The following ANKRD46 variants were observed in gnomAD, a reference collection of about 807,000 sequenced individuals.
The protein encoded by ANKRD46 is ankyrin repeat domain-containing protein 46.
Under a neutral mutation model 19.8 loss-of-function variants are expected in ANKRD46, and 13 were observed. The ratio of observed to expected loss-of-function variants is 0.66; its 90% CI spans 0.43 to 1.04. The LOEUF is 1.04. Ranked by LOEUF, ANKRD46 falls within the 50% of genes least tolerant of loss-of-function variation. The probability of loss-of-function intolerance (pLI) is 0.00; values close to 1 mark genes in which losing one functional copy is unlikely to be tolerated. For synonymous variants in ANKRD46, 91 were observed against 106.9 expected (o/e 0.85, Z 0.92); for missense variants, 185 against 274.8 (o/e 0.67, Z 2.31).
downstream of ANKRD46, among the ~76,000 whole-genome samples, chr8:100,520,343 C>T (rs931312519): frequency 1.3e-5 from 2 of 152,044 alleles, no homozygotes; most frequent in Non-Finnish European, 2.9e-5. Flanking sequence ...TGAAAGACAG[C>T]GGGACAGGAG....
At position 100,545,783 on chromosome 8, in the gene ANKRD46, T is replaced by A. The variant is rs534290664; in HGVS notation, c.-130-12472A>T. Reference sequence around the variant, plus strand: ...TTTGACCAAAATGCTGATAGTGATATGGACAATGAAATCAAGGCTGAGGTG... The same window carrying A: ...TTTGACCAAAATGCTGATAGTGATAAGGACAATGAAATCAAGGCTGAGGTG... On this transcript the variant is annotated intron_variant, in intron 1 of 4. Transcript: ENST00000335659. The surrounding 1 kb of genome is among the most constrained non-coding windows in gnomAD (Gnocchi z 4.7). 6.6e-6 allele frequency among the ~76,000 whole-genome samples: 1 copy of A among 152,182 alleles called. No individual in the cohort carries two copies. The highest frequency in any genetic ancestry group is 6.5e-5 in the Admixed American group (1 of 15,274).
In ANKRD46 at chr8:100,529,762, G is replaced by A. The variant is rs953336634; in HGVS notation, c.72C>T (p.Asp24=). The A allele has an allele frequency of 6.2e-7, 1 of 1,614,236 alleles. No homozygotes were observed. Among genetic ancestry groups the A allele is most frequent in the Non-Finnish European group, 8.5e-7 (1 of 1,180,042 alleles). The change falls in exon 3 of 5, where the codon GAC becomes GAT. Residue 24 remains aspartate (D), a synonymous_variant. Coordinates refer to ENST00000335659, the MANE Select transcript of ANKRD46 (RefSeq NM_001270377.2). The surrounding 1 kb of genome is among the most constrained non-coding windows in gnomAD (Gnocchi z 5.8). ...VPLLQACIDG[D]FNYSKRLLES... ...CCAAAAGCCGCTTGGAATAATTAAA[G>A]TCCCCATCAATACAGGCTTGCAGCA...
chr8:100,529,770 CAAT>C lies in ANKRD46; in HGVS notation c.61_63del (p.Ile21del). ...CGCTTGGAATAATTAAAGTCCCCAT[CAAT>C]ACAGGCTTGCAGCAAGGGCACGTTA... On this transcript the variant is annotated inframe_deletion, in exon 3 of 5. Transcript: ENST00000335659. This position sits in a 1 kb window ranked among gnomAD's most constrained non-coding sequence, Gnocchi z 5.8. The C allele has an allele frequency of 6.2e-7, 1 of 1,614,230 alleles. No homozygotes were observed. The highest frequency in any genetic ancestry group is 8.5e-7 in the Non-Finnish European group (1 of 1,180,058).
chr8:100,544,449 C>T lies in ANKRD46; in HGVS notation c.-130-11138G>A, dbSNP rs762715758. ...TGCTAACCCCAAAGTACAACTTGCT[C>T]GTACTCTAGACAAGGCTGAAGCAAG... On this transcript the variant is annotated intron_variant, in intron 1 of 4. Transcript: ENST00000335659. The surrounding 1 kb of genome is among the most constrained non-coding windows in gnomAD (Gnocchi z 4.4). Among the ~76,000 whole-genome samples the T allele has an allele frequency of 1.3e-5, 2 of 152,168 alleles. No individual in the cohort carries two copies. Among genetic ancestry groups the T allele is most frequent in the African/African-American group, 4.8e-5 (2 of 41,432 alleles).
At chr8:100,553,584 A>G (rs1451370980) in intron 1 of ANKRD46, among the ~76,000 whole-genome samples, 1 of 152,126 alleles carries the variant, frequency 6.6e-6, no homozygotes, top group Non-Finnish European at 1.5e-5. Flanking sequence ...CCCCGTCTCC[A>G]CTAAAAATAC....
rs2130690497 is a variant in ANKRD46, at chr8:100,543,990, G to A, written c.-130-10679C>T. ...AAAGATTAACCCAAGAGTTCTTAAT[G>A]TCAAAGACCTTTATGTCCACATCAC... On this transcript the variant is annotated intron_variant, in intron 1 of 4. Coordinates refer to ENST00000335659, the MANE Select transcript of ANKRD46 (RefSeq NM_001270377.2). This position sits in a 1 kb window ranked among gnomAD's most constrained non-coding sequence, Gnocchi z 4.2. Among the ~76,000 whole-genome samples the A allele has an allele frequency of 6.6e-6, 1 of 152,232 alleles. No individual in the cohort carries two copies. Among genetic ancestry groups the A allele is most frequent in the East Asian group, 1.9e-4 (1 of 5,184 alleles).
rs1342903236 is a variant in ANKRD46 at position 100,521,408 on chromosome 8, C to A, written c.*1147G>T. The A allele has an allele frequency of 1.2e-5, 12 of 985,236 alleles. No homozygotes were observed. In the East Asian group the frequency reaches 1.1e-3, roughly 93 times the overall value. The allele number at this position is 985,236 out of a possible 1,614,324, so 61.0% of individuals were successfully genotyped here. A position where few individuals can be genotyped will look rare whatever the true frequency, so the allele number is the denominator to read the frequency against. ...ACTCAAGAACATAATTCATACATTA[C>A]AGAATCATTAACAAAAGAGGCCTTC... On this transcript the variant is annotated 3_prime_UTR_variant, in exon 5 of 5. Transcript: ENST00000335659.
rs368476294 is a variant in ANKRD46 at position 100,531,915 on chromosome 8, G to A, written c.-28+1294C>T. 6.4e-4 allele frequency among the ~76,000 whole-genome samples: 97 copies of A among 152,284 alleles called. No individual in the cohort carries two copies. The South Asian group carries it at 0.02, about 31-fold the overall frequency. ...TTGTAGAGACAAAGACTGGAGGCAG[G>A]GAGATCAATCATTAGGTCATTGCAG... On this transcript the variant is annotated intron_variant, in intron 2 of 4. Coordinates refer to ENST00000335659, the MANE Select transcript of ANKRD46 (RefSeq NM_001270377.2).
In ANKRD46 at chr8:100,557,110, G is replaced by A. The variant is rs902804231; in HGVS notation, c.-131+2601C>T. ...GTTTTAAGTAAGTTTACAAATTTGG[G>A]TTGCACAAGCTTGCATTAGTGACTT... On this transcript the variant is annotated intron_variant, in intron 1 of 4. Coordinates refer to ENST00000335659, the MANE Select transcript of ANKRD46 (RefSeq NM_001270377.2). The surrounding 1 kb of genome is among the most constrained non-coding windows in gnomAD (Gnocchi z 5.9). Among the ~76,000 whole-genome samples the A allele has an allele frequency of 6.6e-6, 1 of 152,102 alleles. No homozygotes were observed. The highest frequency in any genetic ancestry group is 2.4e-5 in the African/African-American group (1 of 41,416).
In ANKRD46 at chr8:100,534,264, T is replaced by C. The variant is rs1466250490; in HGVS notation, c.-130-953A>G. Among the ~76,000 whole-genome samples, 2 of 152,194 alleles carry C rather than the reference T, an allele frequency of 1.3e-5. No individual in the cohort carries two copies. Among genetic ancestry groups the C allele is most frequent in the African/African-American group, 4.8e-5 (2 of 41,446 alleles). On this transcript the variant is annotated intron_variant, in intron 1 of 4. Transcript: ENST00000335659. The surrounding 1 kb of genome is among the most constrained non-coding windows in gnomAD (Gnocchi z 4.2). ...CTCCATTTACAATATGTAAGTCAGG[T>C]TGTATCATAAAGGCTATCAGTGCTA...
rs1812273650 is a variant in ANKRD46, at chr8:100,546,416, G to T, written c.-130-13105C>A. 6.6e-6 allele frequency among the ~76,000 whole-genome samples: 1 copy of T among 152,262 alleles called. No individual in the cohort carries two copies. The highest frequency in any genetic ancestry group is 2.4e-5 in the African/African-American group (1 of 41,470). ...TACAGCTCAGACCATTGCTTCAGAGGGTGCGGGCCCCAAGCCTTGGCAGCT... is the reference window on the plus strand; with the variant it reads ...TACAGCTCAGACCATTGCTTCAGAGTGTGCGGGCCCCAAGCCTTGGCAGCT... On this transcript the variant is annotated intron_variant, in intron 1 of 4. Coordinates refer to ENST00000335659, the MANE Select transcript of ANKRD46 (RefSeq NM_001270377.2). This position sits in a 1 kb window ranked among gnomAD's most constrained non-coding sequence, Gnocchi z 4.0.
rs903993486 is a variant in ANKRD46 at position 100,535,222 on chromosome 8, C to T, written c.-130-1911G>A. Among the ~76,000 whole-genome samples the T allele has an allele frequency of 2.6e-5, 4 of 152,216 alleles. No individual in the cohort carries two copies. In the East Asian group the frequency reaches 7.7e-4, roughly 29 times the overall value. On this transcript the variant is annotated intron_variant, in intron 1 of 4. Coordinates refer to ENST00000335659, the MANE Select transcript of ANKRD46 (RefSeq NM_001270377.2). The stretch of plus-strand genomic sequence containing the variant: ...TCCAAGACCTCAGTTAGACCTTACT[C>T]ACTAGACTCTGTTAATAGCTTCCCT...
chr8:100,531,649 T>G (rs1811965252), intron 2 of ANKRD46, among the ~76,000 whole-genome samples: 1 of 152,162 alleles, frequency 6.6e-6, no homozygotes, highest in African/African-American at 2.4e-5. Flanking sequence ...AAGGATTTTT[T>G]TTGTTTTAAA....
chr8:100,540,516 C>T (rs1812155441), intron 1 of ANKRD46, among the ~76,000 whole-genome samples: 1 of 152,148 alleles, frequency 6.6e-6, no homozygotes, highest in South Asian at 2.1e-4. Context: ...TCACAGGTGA[C>T]TAAATTCTTA....
Position 100,522,185 on chromosome 8 carries a change from G to GT in ANKRD46, c.*369dup, listed in dbSNP as rs1227465091. 9.9e-7 allele frequency: 1 copy of GT among 1,005,414 alleles called. No individual in the cohort carries two copies. The highest frequency in any genetic ancestry group is 1.2e-6 in the Non-Finnish European group (1 of 841,756). 62.3% of individuals were successfully genotyped at this position (1,005,414 alleles called of 1,614,324 possible). On this transcript the variant is annotated 3_prime_UTR_variant, in exon 5 of 5. Transcript: ENST00000335659. ...ACAAAAACTAATCATATAAGATACT[G>GT]TTTTTCTTTTTGAATACTTCAATTG...
Position 100,510,550 on chromosome 8 carries a change from C to T in ANKRD46, c.*27G>A, listed in dbSNP as rs1329983727. The T allele has an allele frequency of 1.3e-6, 2 of 1,529,424 alleles. No individual in the cohort carries two copies. Among genetic ancestry groups the T allele is most frequent in the Non-Finnish European group, 1.7e-6 (2 of 1,143,116 alleles). 94.7% of individuals were successfully genotyped at this position (1,529,424 alleles called of 1,614,324 possible). A position where few individuals can be genotyped will look rare whatever the true frequency, so the allele number is the denominator to read the frequency against. ...CCCTTCTTTCTTGCCTTCTGAGGCTCAGGAGCACAGGACACTGACCTAGAG... is the reference window on the plus strand; with the variant it reads ...CCCTTCTTTCTTGCCTTCTGAGGCTTAGGAGCACAGGACACTGACCTAGAG... On this transcript the variant is annotated 3_prime_UTR_variant, in exon 6 of 6. Coordinates refer to the ANKRD46 transcript ENST00000520552. This position sits in a 1 kb window ranked among gnomAD's most constrained non-coding sequence, Gnocchi z 4.9.
downstream of ANKRD46, among the ~76,000 whole-genome samples, chr8:100,518,048 A>G (rs186931862): frequency 0.011 from 1,739 of 152,246 alleles, 38 homozygotes; most frequent in African/African-American, 0.039. Context: ...AAAATTAGCC[A>G]GGCATGGTAG....
At chr8:100,552,667 T>C (rs1352563900) in intron 1 of ANKRD46, among the ~76,000 whole-genome samples, 1 of 152,242 alleles carries the variant, frequency 6.6e-6, no homozygotes, top group Non-Finnish European at 1.5e-5. Context: ...ACTCTTTGCT[T>C]GGAATGCCAG....
At position 100,536,876 on chromosome 8, in the gene ANKRD46, C is replaced by G. The variant is rs944161128; in HGVS notation, c.-130-3565G>C. Among the ~76,000 whole-genome samples, 1 of 152,184 alleles carries G rather than the reference C, an allele frequency of 6.6e-6. No individual in the cohort carries two copies. The highest frequency in any genetic ancestry group is 2.4e-5 in the African/African-American group (1 of 41,448). ...CTGGTGTAGCCTGACACTTAAAACT[C>G]CTCACTCTGTGCTCTGTGGCACTGC... is the stretch of plus-strand genomic sequence containing the variant. On this transcript the variant is annotated intron_variant, in intron 1 of 4. Coordinates refer to ENST00000335659, the MANE Select transcript of ANKRD46 (RefSeq NM_001270377.2). The surrounding 1 kb of genome is among the most constrained non-coding windows in gnomAD (Gnocchi z 4.9).
Sources: gnomAD v4.1 joint callset for allele counts (sites outside exome capture counted in the v4.1 genomes callset) on GRCh38, gnomAD v4.1.1 for gene constraint, Gnocchi (gnomAD v3.1) non-coding constraint, MANE v1.5 for transcripts, NCBI Gene and HGNC (gene_info 2026-07-23, HGNC 2026-07-21) for gene names.